Variants in ADAMTS18 observed in about 807,000 individuals in gnomAD.
ADAMTS18 encodes the protein ADAM metallopeptidase with thrombospondin type 1 motif 18.
A neutral mutation model predicts 165.9 loss-of-function variants in ADAMTS18; 157 were observed. That is an observed-to-expected ratio of 0.95 (90% confidence interval 0.83 to 1.08). ADAMTS18 has a LOEUF of 1.08. ADAMTS18 is among the 50% of genes least tolerant of loss of function. The pLI is 0.00. For synonymous variants in ADAMTS18, 782 were observed against 578.2 expected (o/e 1.35, Z -5.06); for missense variants, 2,040 against 1,534.0 (o/e 1.33, Z -5.51).
intron 3 of ADAMTS18, among the ~76,000 whole-genome samples, chr16:77,411,118 G>A (rs186839341): frequency 9.8e-5 from 15 of 152,310 alleles, no homozygotes; most frequent in Non-Finnish European, 1.9e-4. Flanking sequence ...GATTTATTGT[G>A]ATGCTTGATG....
chr16:77,302,249 G>T (rs1025314), intron 16 of ADAMTS18, among the ~76,000 whole-genome samples: 1,550 of 152,264 alleles, frequency 0.01, 65 homozygotes, highest in East Asian at 0.091. Context: ...TGTGAGAGCA[G>T]TTTTACATTC....
intron 6 of ADAMTS18, among the ~76,000 whole-genome samples, chr16:77,363,046 T>C (rs1213462037): frequency 6.6e-6 from 1 of 152,218 alleles, no homozygotes; most frequent in East Asian, 1.9e-4. Flanking sequence ...TGTGTCTTCC[T>C]GCTTTTTATG....
chr16:77,396,885 C>A (rs899783582), intron 3 of ADAMTS18, among the ~76,000 whole-genome samples: 11 of 151,808 alleles, frequency 7.2e-5, no homozygotes, highest in African/African-American at 2.7e-4. Flanking sequence ...TGGCTCACTG[C>A]AACCTCTGCC....
intron 13 of ADAMTS18, among the ~76,000 whole-genome samples, chr16:77,325,588 G>A (rs2056078877): frequency 6.6e-6 from 1 of 151,116 alleles, no homozygotes; most frequent in African/African-American, 2.4e-5. Context: ...TTGCCAAAAT[G>A]TCAAAGGTAA....
intron 18 of ADAMTS18, among the ~76,000 whole-genome samples, chr16:77,296,523 A>G (rs2055475613): frequency 6.6e-6 from 1 of 152,208 alleles, no homozygotes; most frequent in African/African-American, 2.4e-5. Context: ...GATTCCATTC[A>G]GAGAAGAGGA....
chr16:77,326,316 C>T (rs1388435529), intron 12 of ADAMTS18, among the ~76,000 whole-genome samples: 1 of 152,172 alleles, frequency 6.6e-6, no homozygotes. Context: ...AATTTATTTG[C>T]CATCACCAAT....
At chr16:77,362,744 A>C (rs2056734171) in intron 6 of ADAMTS18, among the ~76,000 whole-genome samples, 1 of 152,196 alleles carries the variant, frequency 6.6e-6, no homozygotes. Context: ...ATATGATTCC[A>C]AAGGATAAGA....
chr16:77,353,384 G>A (rs2144713183), intron 10 of ADAMTS18, among the ~76,000 whole-genome samples: 1 of 152,282 alleles, frequency 6.6e-6, no homozygotes, highest in South Asian at 2.1e-4. Flanking sequence ...GTGATGATTT[G>A]AAACGAATTA....
At chr16:77,410,020 T>C (rs1485719533) in intron 3 of ADAMTS18, among the ~76,000 whole-genome samples, 1 of 152,166 alleles carries the variant, frequency 6.6e-6, no homozygotes, top group African/African-American at 2.4e-5. Context: ...TATAGATCTA[T>C]TAAATTTTGA....
chr16:77,368,489 T>C (rs1407654425), intron 3 of ADAMTS18, among the ~76,000 whole-genome samples: 1 of 149,272 alleles, frequency 6.7e-6, no homozygotes, highest in African/African-American at 2.5e-5. Flanking sequence ...TAGGTTGGAG[T>C]ACAATAGCAC....
intron 7 of ADAMTS18, 123 bp downstream of exon 7, chr16:77,361,982 C>T: frequency 1.2e-5 from 14 of 1,121,140 alleles, no homozygotes; most frequent in Non-Finnish European, 1.8e-5. Flanking sequence ...CATTAGGTTA[C>T]TCCATAATTT....
In ADAMTS18 at chr16:77,367,697, AT is replaced by A. The variant is rs1194755234; in HGVS notation, c.521del (p.Asn174MetfsTer98). ...GLSGLIRTRKNEFLISPLPQL... is the reference protein window; with the variant it reads ...GLSGLIRTRKXEFLISPLPQL... Reference sequence around the variant, plus strand: ...GAGGTAATGGCGAGATGAGGAATTCATTTTTTCGTGTCCTTATTAAACCTGA... The same window carrying A: ...GAGGTAATGGCGAGATGAGGAATTCATTTTTCGTGTCCTTATTAAACCTGA... On this transcript the variant is annotated frameshift_variant, in exon 4 of 23. Transcript: ENST00000282849. LOFTEE classifies it high-confidence loss of function. 2 of 1,614,018 alleles carry A rather than the reference AT, an allele frequency of 1.2e-6. No homozygotes were observed. The highest frequency in any genetic ancestry group is 1.7e-6 in the Non-Finnish European group (2 of 1,180,030).
At chr16:77,297,889 A>G (rs1258228418) in intron 17 of ADAMTS18, among the ~76,000 whole-genome samples, 1 of 150,810 alleles carries the variant, frequency 6.6e-6, no homozygotes, top group Non-Finnish European at 1.5e-5. Context: ...TATGTATTAA[A>G]ACCTATCAGC....
intron 12 of ADAMTS18, 78 bp from the exon 13 acceptor site, chr16:77,326,116 G>A: frequency 6.9e-7 from 1 of 1,441,810 alleles, no homozygotes; most frequent in African/African-American, 1.4e-5. Flanking sequence ...TATGAAGAGA[G>A]GCAATGAAGA....
Position 77,355,989 on chromosome 16 carries a change from C to G in ADAMTS18, c.1411G>C (p.Val471Leu). 1 of 1,614,120 alleles carries G rather than the reference C, an allele frequency of 6.2e-7. No homozygotes were observed. The highest frequency in any genetic ancestry group is 8.5e-7 in the Non-Finnish European group (1 of 1,179,992). Reference sequence around the variant, plus strand: ...CGGCTGCAGGAAGACCATGAAAACACTCCATTGTTTCCGGTCAGTGTGGGA... The same window carrying G: ...CGGCTGCAGGAAGACCATGAAAACAGTCCATTGTTTCCGGTCAGTGTGGGA... Reference protein sequence around the residue: ...MSPTLTGNNGVFSWSSCSRQY... With the variant: ...MSPTLTGNNGLFSWSSCSRQY... The change falls in exon 9 of 23, where the codon GTG (valine) becomes CTG (leucine). Residue 471 changes from valine (V) to leucine (L), a missense_variant. Val to Leu is a conservative substitution (Grantham distance 32, BLOSUM62 1). Transcript: ENST00000282849.
intron 16 of ADAMTS18, among the ~76,000 whole-genome samples, chr16:77,311,914 C>T (rs17770042): frequency 0.24 from 35,849 of 152,086 alleles, 4,913 homozygotes; most frequent in East Asian, 0.62. Context: ...GCCAGGCAAA[C>T]ATGACCTTAT....
At chr16:77,335,163 G>T (rs2056287880) in intron 12 of ADAMTS18, among the ~76,000 whole-genome samples, 1 of 150,200 alleles carries the variant, frequency 6.7e-6, no homozygotes, top group Admixed American at 6.7e-5. Flanking sequence ...TTATAAAAAT[G>T]AAATCCTGTT....
chr16:77,371,831 G>C (rs1436437468), intron 3 of ADAMTS18, among the ~76,000 whole-genome samples: 1 of 152,054 alleles, frequency 6.6e-6, no homozygotes, highest in Non-Finnish European at 1.5e-5. Context: ...AGACTAAGGA[G>C]ACAACCCACA....
At chr16:77,303,553 C>A (rs1046830571) in intron 16 of ADAMTS18, among the ~76,000 whole-genome samples, 11 of 152,094 alleles carry the variant, frequency 7.2e-5, no homozygotes, top group Admixed American at 2.6e-4. Context: ...TCTCTCATAT[C>A]TTACCACCTC....
Sources: allele counts gnomAD v4.1 joint callset (sites outside exome capture counted in the v4.1 genomes callset), GRCh38; gene constraint gnomAD v4.1.1; transcripts MANE v1.5; gene names NCBI Gene and HGNC (gene_info 2026-07-23, HGNC 2026-07-21).